Variants in MGAT4C observed in about 807,000 individuals in gnomAD.
The protein encoded by MGAT4C is MGAT4 family member C.
Under a neutral mutation model 40.1 loss-of-function variants are expected in MGAT4C, and 19 were observed. The observed-to-expected ratio is 0.47, with a 90% CI of 0.33 to 0.70. The LOEUF is 0.70. MGAT4C is among the 30% of genes least tolerant of loss of function. The pLI is 0.02. For synonymous variants in MGAT4C, 181 were observed against 187.1 expected, an observed-to-expected ratio of 0.97 and a Z score of 0.27; for missense variants, 491 against 563.2, an observed-to-expected ratio of 0.87 and a Z score of 1.30.
At position 86,469,412 on chromosome 12, in the gene MGAT4C, CTT is replaced by C. The variant is rs754588649; in HGVS notation, c.-228-34149_-228-34148del. 3.3e-4 allele frequency among the ~76,000 whole-genome samples: 50 copies of C among 152,264 alleles called. 1 individual carries two copies. Among genetic ancestry groups the C allele is most frequent in the Admixed American group, 1.2e-3 (19 of 15,278 alleles). ...CTCATGTCTTTTGCCAGCACTCTCT[CTT>C]GTCTGATTCCTTTCTCTCATAAATC... On this transcript the variant is annotated intron_variant, in intron 2 of 7. Coordinates refer to the MGAT4C transcript ENST00000548651.
At chr12:86,808,001 CT>C (rs556334822) in intron 1 of MGAT4C, among the ~76,000 whole-genome samples, 22 of 151,884 alleles carry the variant, frequency 1.4e-4, no homozygotes, top group African/African-American at 4.8e-4. Context: ...GTTTAACTTC[CT>C]TGTAGATTCT....
At chr12:86,540,823 G>A (rs1387900670) in intron 2 of MGAT4C, among the ~76,000 whole-genome samples, 2 of 152,158 alleles carry the variant, frequency 1.3e-5, no homozygotes, top group Non-Finnish European at 2.9e-5. Flanking sequence ...AATTTTGAAT[G>A]ATTTTGAGAT....
At chr12:86,385,524 C>G (rs754856170) in intron 3 of MGAT4C, among the ~76,000 whole-genome samples, 5 of 152,186 alleles carry the variant, frequency 3.3e-5, no homozygotes, top group Non-Finnish European at 7.3e-5. Flanking sequence ...TCAATGCCTC[C>G]TCAGCTGTCT....
At position 86,509,443 on chromosome 12, in the gene MGAT4C, A is replaced by G. The variant is rs192250175; in HGVS notation, c.-228-74178T>C. The stretch of plus-strand genomic sequence containing the variant: ...ATATCTCTGTTTTGGTACCAGTACC[A>G]TGCTGTTTTACTTACTGTAACCTTG... On this transcript the variant is annotated intron_variant, in intron 2 of 7. Transcript: ENST00000548651. Among the ~76,000 whole-genome samples the G allele has an allele frequency of 8.5e-5, 13 of 152,314 alleles. No homozygotes were observed. The East Asian group carries it at 2.1e-3, about 25-fold the overall frequency.
chr12:86,644,668 A>G (rs1490648768), intron 2 of MGAT4C, among the ~76,000 whole-genome samples: 2 of 151,778 alleles, frequency 1.3e-5, no homozygotes, highest in Non-Finnish European at 2.9e-5. Flanking sequence ...AAGTCCATCA[A>G]TTGTAGACTG....
At chr12:86,572,144 A>T (rs1216079512) in intron 2 of MGAT4C, among the ~76,000 whole-genome samples, 1 of 152,120 alleles carries the variant, frequency 6.6e-6, no homozygotes, top group Non-Finnish European at 1.5e-5. Context: ...TAACTTGAAG[A>T]ATTGTTTTAA....
At chr12:86,478,634 A>T (rs61950771) in intron 2 of MGAT4C, among the ~76,000 whole-genome samples, 15,313 of 152,154 alleles carry the variant, frequency 0.1, 1,008 homozygotes, top group Middle Eastern at 0.25. Flanking sequence ...TTCCCCACTT[A>T]CTGCCCATGG....
chr12:86,314,230 T>C (rs1954144849), intron 4 of MGAT4C, among the ~76,000 whole-genome samples: 1 of 152,120 alleles, frequency 6.6e-6, no homozygotes, highest in African/African-American at 2.4e-5. Flanking sequence ...ACAGAATTGA[T>C]TTGATAAAAA....
At position 85,977,710 on chromosome 12, in the gene MGAT4C, T is replaced by C. The variant is rs1461941422; in HGVS notation, c.*1579A>G. On this transcript the variant is annotated 3_prime_UTR_variant, in exon 5 of 5. Coordinates refer to ENST00000611864, the MANE Select transcript of MGAT4C (RefSeq NM_001351288.2). ...ACAGCATACCAGTAAATCTTAAGGA[T>C]TGTGTTTCAGTATGAAAAGGAAGAG... 2 of 150,566 alleles carry C rather than the reference T, an allele frequency of 1.3e-5. No individual in the cohort carries two copies. The highest frequency in any genetic ancestry group is 3.0e-5 in the Non-Finnish European group (2 of 67,390). The allele number at this position is 150,566 out of a possible 1,614,324, so 9.3% of individuals were successfully genotyped here. A position where few individuals can be genotyped will look rare whatever the true frequency, so the allele number is the denominator to read the frequency against.
chr12:85,961,618 C>T lies in MGAT4C; in HGVS notation c.*17671G>A, dbSNP rs914090808. 2 of 151,696 alleles carry T rather than the reference C, an allele frequency of 1.3e-5. No homozygotes were observed. The highest frequency in any genetic ancestry group is 4.8e-5 in the African/African-American group (2 of 41,370). The allele number at this position is 151,696 out of a possible 1,614,324, so 9.4% of individuals were successfully genotyped here. Reference sequence around the variant, plus strand: ...TATGCTTGTCACTATATAAACTTCACCCTAAGGAAATTTCCATGTCAGATA... The same window carrying T: ...TATGCTTGTCACTATATAAACTTCATCCTAAGGAAATTTCCATGTCAGATA... On this transcript the variant is annotated 3_prime_UTR_variant, in exon 5 of 5. Transcript: ENST00000611864.
intron 1 of MGAT4C, among the ~76,000 whole-genome samples, chr12:86,764,965 T>C (rs1178325531): frequency 6.6e-6 from 1 of 152,176 alleles, no homozygotes; most frequent in Non-Finnish European, 1.5e-5. Context: ...GCGCCTCTCC[T>C]ACTCCAAAGG....
intron 4 of MGAT4C, among the ~76,000 whole-genome samples, chr12:86,264,116 T>C (rs1004209057): frequency 1.1e-4 from 17 of 152,162 alleles, no homozygotes; most frequent in African/African-American, 2.4e-5. Flanking sequence ...GCAAATATTT[T>C]CTCCCGTTCA....
At chr12:86,004,785 C>T (rs1250829213) in intron 2 of MGAT4C, among the ~76,000 whole-genome samples, 1 of 152,106 alleles carries the variant, frequency 6.6e-6, no homozygotes, top group Non-Finnish European at 1.5e-5. Context: ...CAGAACCAGC[C>T]CAATCTGGTT....
chr12:86,502,789 T>A (rs918808752), intron 2 of MGAT4C, among the ~76,000 whole-genome samples: 1 of 127,200 alleles, frequency 7.9e-6, no homozygotes, highest in East Asian at 2.3e-4. Flanking sequence ...GTTCTGCTCA[T>A]ATATATGTAT....
intron 2 of MGAT4C, among the ~76,000 whole-genome samples, chr12:86,642,229 T>G (rs1363017898): frequency 5.3e-5 from 8 of 151,846 alleles, no homozygotes; most frequent in Non-Finnish European, 1.0e-4. Flanking sequence ...ACCTATTAGC[T>G]AAATAATATC....
intron 2 of MGAT4C, among the ~76,000 whole-genome samples, chr12:86,667,830 T>C (rs1215011271): frequency 6.6e-6 from 1 of 152,236 alleles, no homozygotes; most frequent in Non-Finnish European, 1.5e-5. Flanking sequence ...CTTTGACCTG[T>C]GGATTGTAGT....
intron 1 of MGAT4C, among the ~76,000 whole-genome samples, chr12:86,185,156 T>C (rs1320358338): frequency 1.3e-5 from 2 of 152,182 alleles, no homozygotes; most frequent in African/African-American, 4.8e-5. Context: ...AAATTTGTTA[T>C]AATTTTGTCT....
At chr12:86,108,891 C>T (rs1452997923) in intron 1 of MGAT4C, among the ~76,000 whole-genome samples, 1 of 152,086 alleles carries the variant, frequency 6.6e-6, no homozygotes, top group African/African-American at 2.4e-5. Flanking sequence ...CGGTCTTCAC[C>T]GGAGACACAC....
intron 1 of MGAT4C, among the ~76,000 whole-genome samples, chr12:86,200,613 A>G (rs1470463830): frequency 6.6e-6 from 1 of 152,126 alleles, no homozygotes; most frequent in Non-Finnish European, 1.5e-5. Flanking sequence ...GACTGATCAA[A>G]TAAGCACCTT....
Sources: allele counts gnomAD v4.1 joint callset (sites outside exome capture counted in the v4.1 genomes callset), GRCh38; gene constraint gnomAD v4.1.1; transcripts MANE v1.5; gene names NCBI Gene and HGNC (gene_info 2026-07-23, HGNC 2026-07-21).